CNOT6L: variants seen among roughly 807,000 people sequenced by gnomAD.
CNOT6L encodes the protein CCR4-NOT transcription complex subunit 6 like, also known as CCR4-NOT transcription complex subunit 6-like.
CNOT6L carries 7 observed loss-of-function variants against 64.0 expected under a neutral mutation model. The ratio of observed to expected loss-of-function variants is 0.11; its 90% CI spans 0.06 to 0.21. CNOT6L has a LOEUF of 0.21. Ranked by LOEUF, CNOT6L falls within the 10% of genes least tolerant of loss-of-function variation. The pLI is 1.00. For missense variants in CNOT6L, 245 were observed against 669.0 expected (o/e 0.37, Z 6.99); for synonymous variants, 193 against 243.4 (o/e 0.79, Z 1.93).
intron 1 of CNOT6L, among the ~76,000 whole-genome samples, chr4:77,784,179 A>T (rs1307935919): frequency 2.6e-5 from 4 of 152,126 alleles, no homozygotes; most frequent in African/African-American, 9.7e-5. Flanking sequence ...ATCGAATACA[A>T]TTCCTTTTCT....
chr4:77,776,463 G>A (rs965964740), intron 1 of CNOT6L, 71 bp from the exon 2 acceptor site: 5 of 1,085,490 alleles, frequency 4.6e-6, no homozygotes, highest in African/African-American at 3.2e-5. Flanking sequence ...AAAATAGGAT[G>A]GTAAACTCCT....
intron 8 of CNOT6L, among the ~76,000 whole-genome samples, chr4:77,733,104 C>T (rs567527829): frequency 6.6e-6 from 1 of 152,190 alleles, no homozygotes; most frequent in East Asian, 1.9e-4. Flanking sequence ...ATACCTTTTA[C>T]AGTTTCTGGT....
At chr4:77,750,489 C>T (rs2109974752) in intron 5 of CNOT6L, among the ~76,000 whole-genome samples, 1 of 152,052 alleles carries the variant, frequency 6.6e-6, no homozygotes, top group South Asian at 2.1e-4. Flanking sequence ...GTAGCTGGGA[C>T]TACTGGCGCC....
At chr4:77,770,599 C>A (rs1000635122) in intron 4 of CNOT6L, among the ~76,000 whole-genome samples, 3 of 124,708 alleles carry the variant, frequency 2.4e-5, no homozygotes, top group African/African-American at 5.9e-5. Context: ...TAGAAAAGGG[C>A]TACATATAGG....
chr4:77,767,562 C>G (rs1315582778), intron 4 of CNOT6L, among the ~76,000 whole-genome samples: 3 of 151,872 alleles, frequency 2.0e-5, no homozygotes, highest in Non-Finnish European at 4.4e-5. Flanking sequence ...AGAGAAGTGA[C>G]TTTACTGATC....
chr4:77,797,232 AT>A (rs1378025289), intron 1 of CNOT6L, among the ~76,000 whole-genome samples: 3 of 149,836 alleles, frequency 2.0e-5, no homozygotes, highest in African/African-American at 7.4e-5. Context: ...CTCATACTAT[AT>A]AAAAAAAAAA....
chr4:77,752,579 G>A (rs1277006105), intron 5 of CNOT6L, among the ~76,000 whole-genome samples: 2 of 151,966 alleles, frequency 1.3e-5, no homozygotes, highest in East Asian at 3.9e-4. Flanking sequence ...AAAACTGGAA[G>A]AACTCCTCTG....
At chr4:77,805,408 GA>G (rs1732102163) in intron 1 of CNOT6L, among the ~76,000 whole-genome samples, 1 of 151,930 alleles carries the variant, frequency 6.6e-6, no homozygotes, top group Non-Finnish European at 1.5e-5. Context: ...TAAATCTCAG[GA>G]AACCTGTGAA....
chr4:77,819,259 T>C, intron 1 of CNOT6L, 45 bp downstream of exon 1: 1 of 1,613,212 alleles, frequency 6.2e-7, no homozygotes, highest in Middle Eastern at 1.6e-4. Context: ...CGCGCTCCTC[T>C]TCCCAACACT....
intron 1 of CNOT6L, among the ~76,000 whole-genome samples, chr4:77,813,271 G>C (rs1733161052): frequency 7.6e-6 from 1 of 130,940 alleles, no homozygotes; most frequent in African/African-American, 2.7e-5. Flanking sequence ...AAATATCTGT[G>C]GCCTTAGATT....
rs561660011 is a variant in CNOT6L at position 77,714,360 on chromosome 4, A to AAGAT, written c.*6067_*6070dup. 667 of 151,742 alleles carry AAGAT rather than the reference A, an allele frequency of 4.4e-3. 1 individual carries two copies. Among genetic ancestry groups the AAGAT allele is most frequent in the Non-Finnish European group, 6.0e-3 (405 of 67,694 alleles). 9.4% of individuals were successfully genotyped at this position (151,742 alleles called of 1,614,324 possible). On this transcript the variant is annotated 3_prime_UTR_variant, in exon 12 of 12. Coordinates refer to ENST00000504123, the MANE Select transcript of CNOT6L (RefSeq NM_144571.3). ...ATATAGTTGAAAAAAATCACAACAGAAGATATAAATTAATCGATGGTGAAT... is the reference window on the plus strand; with the variant it reads ...ATATAGTTGAAAAAAATCACAACAGAAGATAGATATAAATTAATCGATGGTGAAT...
intron 6 of CNOT6L, among the ~76,000 whole-genome samples, chr4:77,746,405 T>C (rs1479420135): frequency 2.0e-5 from 3 of 152,144 alleles, no homozygotes; most frequent in African/African-American, 7.2e-5. Flanking sequence ...AAATCACCCT[T>C]AGCCACCACA....
intron 8 of CNOT6L, among the ~76,000 whole-genome samples, chr4:77,739,629 A>C (rs1433411732): frequency 6.6e-6 from 1 of 152,186 alleles, no homozygotes; most frequent in Non-Finnish European, 1.5e-5. Context: ...TACCTATAGG[A>C]GGTATATAGT....
At chr4:77,736,524 C>T (rs1178569865) in intron 8 of CNOT6L, among the ~76,000 whole-genome samples, 1 of 103,550 alleles carries the variant, frequency 9.7e-6, no homozygotes. Context: ...CAAATGCACT[C>T]TATTCTGCAT....
intron 11 of CNOT6L, among the ~76,000 whole-genome samples, chr4:77,722,211 A>C (rs1255715650): frequency 6.6e-6 from 1 of 152,152 alleles, no homozygotes; most frequent in Non-Finnish European, 1.5e-5. Context: ...TTTTGCTTCA[A>C]TTCTAAAATA....
At chr4:77,791,891 G>T (rs1360069445) in intron 1 of CNOT6L, among the ~76,000 whole-genome samples, 1 of 151,798 alleles carries the variant, frequency 6.6e-6, no homozygotes, top group African/African-American at 2.4e-5. Flanking sequence ...TCCTCCCAGA[G>T]AATATATATG....
Position 77,794,241 on chromosome 4 carries a change from G to A in CNOT6L, c.6-17849C>T, listed in dbSNP as rs72866624. Among the ~76,000 whole-genome samples, 267 of 149,926 alleles carry A rather than the reference G, an allele frequency of 1.8e-3. 2 individuals are homozygous for A. The highest frequency in any genetic ancestry group is 5.4e-3 in the African/African-American group (222 of 41,048). On this transcript the variant is annotated intron_variant, in intron 1 of 11. Transcript: ENST00000504123. ...AGTCTGGTAGTTCTCAACCTTGGTTGGCCTTTATGGAAGAAACAATACCAA... is the reference window on the plus strand; with the variant it reads ...AGTCTGGTAGTTCTCAACCTTGGTTAGCCTTTATGGAAGAAACAATACCAA...
chr4:77,796,158 A>T (rs1171757824), intron 1 of CNOT6L, among the ~76,000 whole-genome samples: 2 of 150,058 alleles, frequency 1.3e-5, no homozygotes, highest in Non-Finnish European at 2.9e-5. Context: ...TCCCCTCATG[A>T]CATTTTTTTT....
chr4:77,738,034 C>T (rs1048896800), intron 8 of CNOT6L, among the ~76,000 whole-genome samples: 1 of 152,006 alleles, frequency 6.6e-6, no homozygotes, highest in Non-Finnish European at 1.5e-5. Context: ...GATACTATGA[C>T]CTCTGAAAAC....
Sources: allele counts gnomAD v4.1 joint callset (sites outside exome capture counted in the v4.1 genomes callset), GRCh38; gene constraint gnomAD v4.1.1; transcripts MANE v1.5; gene names NCBI Gene and HGNC (gene_info 2026-07-23, HGNC 2026-07-21).